Variants in STK32B observed in about 807,000 individuals in gnomAD.
The protein encoded by STK32B is serine/threonine kinase 32B, also known as serine/threonine-protein kinase 32B.
A neutral mutation model predicts 52.6 loss-of-function variants in STK32B; 43 were observed. That is an observed-to-expected ratio of 0.82 (90% CI 0.64 to 1.05). The LOEUF (loss-of-function observed/expected upper bound fraction) is 1.05. STK32B is among the 50% of genes least tolerant of loss of function. STK32B has a pLI of 0.00. For synonymous variants in STK32B, 238 were observed against 204.3 expected (o/e 1.17, Z -1.41); for missense variants, 621 against 534.6 (o/e 1.16, Z -1.59).
At chr4:5,402,243 T>C (rs996819062) in intron 5 of STK32B, among the ~76,000 whole-genome samples, 5 of 152,074 alleles carry the variant, frequency 3.3e-5, no homozygotes, top group Non-Finnish European at 7.4e-5. Context: ...GGGTGAACAA[T>C]TGAGGCCATT....
intron 1 of STK32B, among the ~76,000 whole-genome samples, chr4:5,100,524 CTCTT>C (rs1490151068): frequency 5.0e-5 from 6 of 121,088 alleles, no homozygotes; most frequent in African/African-American, 1.7e-4. Context: ...TCCTTCTTCT[CTCTT>C]TCCTTCCTTC....
chr4:5,269,714 T>C (rs1727295092), intron 3 of STK32B, among the ~76,000 whole-genome samples: 1 of 152,146 alleles, frequency 6.6e-6, no homozygotes, highest in African/African-American at 2.4e-5. Context: ...TCACAGCATA[T>C]TACATATTAT....
chr4:5,054,280 G>T (rs1483251126), intron 1 of STK32B, among the ~76,000 whole-genome samples: 1 of 152,200 alleles, frequency 6.6e-6, no homozygotes, highest in Non-Finnish European at 1.5e-5. Context: ...AAAACACAGG[G>T]TGTGTAAGTG....
chr4:5,225,373 C>G (rs996804477), intron 3 of STK32B, among the ~76,000 whole-genome samples: 1 of 152,108 alleles, frequency 6.6e-6, no homozygotes, highest in Non-Finnish European at 1.5e-5. Flanking sequence ...CGCCATTGCA[C>G]TCCAGCCTGG....
intron 1 of STK32B, among the ~76,000 whole-genome samples, chr4:5,070,407 G>A (rs1439725254): frequency 6.6e-6 from 1 of 152,152 alleles, no homozygotes; most frequent in Non-Finnish European, 1.5e-5. Context: ...TGGGGACTTA[G>A]AGAGGATTAG....
At chr4:5,126,470 C>T (rs766146105) in intron 1 of STK32B, among the ~76,000 whole-genome samples, 5 of 152,208 alleles carry the variant, frequency 3.3e-5, no homozygotes, top group African/African-American at 7.2e-5. Flanking sequence ...AGGGTGTCTT[C>T]GCCAGGACAG....
chr4:5,039,376 A>G, the STK32B span, among the ~76,000 whole-genome samples: 2 of 152,208 alleles, frequency 1.3e-5, no homozygotes, highest in Non-Finnish European at 2.9e-5. Context: ...TTAAAAACTA[A>G]GACACAAATA....
At chr4:5,223,075 G>A (rs540772850) in intron 3 of STK32B, among the ~76,000 whole-genome samples, 2 of 152,160 alleles carry the variant, frequency 1.3e-5, no homozygotes, top group Admixed American at 6.5e-5. Context: ...CCACATTCTT[G>A]TACAGCACTC....
At chr4:5,076,251 T>C (rs1017168900) in intron 1 of STK32B, among the ~76,000 whole-genome samples, 39 of 152,174 alleles carry the variant, frequency 2.6e-4, no homozygotes, top group African/African-American at 8.9e-4. Flanking sequence ...GAGTGAAGAA[T>C]TGGAACAAAT....
At chr4:5,243,058 C>G (rs983984090) in intron 3 of STK32B, among the ~76,000 whole-genome samples, 14 of 152,164 alleles carry the variant, frequency 9.2e-5, no homozygotes, top group African/African-American at 2.4e-4. Flanking sequence ...CTTGGTGATG[C>G]GGGCTCTTTT....
At position 5,378,648 on chromosome 4, in the gene STK32B, G is replaced by C. The variant is rs186477593; in HGVS notation, c.435-19559G>C. Among the ~76,000 whole-genome samples, 1 of 152,124 alleles carries C rather than the reference G, an allele frequency of 6.6e-6. No individual in the cohort carries two copies. Among genetic ancestry groups the C allele is most frequent in the East Asian group, 1.9e-4 (1 of 5,180 alleles). ...TACATAGTAGGTGTGTATATGTATG[G>C]GGTACATGAGATGTTTTGATACAGA... On this transcript the variant is annotated intron_variant, in intron 4 of 11. Coordinates refer to ENST00000282908, the MANE Select transcript of STK32B (RefSeq NM_018401.3). This position sits in a 1 kb window ranked among gnomAD's most constrained non-coding sequence, Gnocchi z 4.4.
At chr4:5,471,152 C>T (rs1279239609) in intron 11 of STK32B, among the ~76,000 whole-genome samples, 1 of 152,220 alleles carries the variant, frequency 6.6e-6, no homozygotes, top group Non-Finnish European at 1.5e-5. Context: ...TGTCTGAGGG[C>T]CTGTTAGCAT....
At chr4:5,134,475 G>C (rs1011208268) in intron 1 of STK32B, among the ~76,000 whole-genome samples, 5 of 152,104 alleles carry the variant, frequency 3.3e-5, no homozygotes, top group Non-Finnish European at 5.9e-5. Context: ...TCAGATGCCA[G>C]CACCTTAATT....
intron 6 of STK32B, among the ~76,000 whole-genome samples, chr4:5,419,519 C>T (rs1356784054): frequency 6.6e-6 from 1 of 152,198 alleles, no homozygotes; most frequent in Non-Finnish European, 1.5e-5. Flanking sequence ...CAAACTCCTA[C>T]CAGCTTCAGC....
chr4:5,274,913 G>A (rs1163767217), intron 3 of STK32B, among the ~76,000 whole-genome samples: 4 of 152,126 alleles, frequency 2.6e-5, no homozygotes, highest in Admixed American at 6.5e-5. Flanking sequence ...ACTCCTGATC[G>A]GGCTAAAGGC....
At chr4:5,288,011 T>C (rs1728660814) in intron 3 of STK32B, among the ~76,000 whole-genome samples, 1 of 152,214 alleles carries the variant, frequency 6.6e-6, no homozygotes, top group South Asian at 2.1e-4. Flanking sequence ...ATACAACATA[T>C]AACCTATTAA....
intron 3 of STK32B, among the ~76,000 whole-genome samples, chr4:5,238,129 A>G (rs1038507834): frequency 2.0e-5 from 3 of 152,188 alleles, no homozygotes; most frequent in Non-Finnish European, 2.9e-5. Flanking sequence ...AAAGATGACC[A>G]CAAACTGGGT....
At position 5,398,738 on chromosome 4, in the gene STK32B, G is replaced by C. The variant is rs772825067; in HGVS notation, c.472+494G>C. Among the ~76,000 whole-genome samples the C allele has an allele frequency of 6.6e-6, 1 of 152,144 alleles. No homozygotes were observed. Among genetic ancestry groups the C allele is most frequent in the African/African-American group, 2.4e-5 (1 of 41,414 alleles). The stretch of plus-strand genomic sequence containing the variant: ...TTTACTCATCTATCGGCTATGTCAG[G>C]CTTCTCAAAATTTCCTTTATGTGCA... On this transcript the variant is annotated intron_variant, in intron 5 of 11. Transcript: ENST00000282908. This position sits in a 1 kb window ranked among gnomAD's most constrained non-coding sequence, Gnocchi z 4.9.
Position 5,346,273 on chromosome 4 carries a change from A to G in STK32B, c.434+14880A>G, listed in dbSNP as rs1460216880. ...GTGTGATCAGGCTTCTGGTCCTAAG[A>G]CCTTTTTGACAAAGGCTCATCGCTC... On this transcript the variant is annotated intron_variant, in intron 4 of 11. Transcript: ENST00000282908. Among the ~76,000 whole-genome samples, 3 of 152,134 alleles carry G rather than the reference A, an allele frequency of 2.0e-5. No homozygotes were observed. In the East Asian group the frequency reaches 5.8e-4, roughly 29 times the overall value.
Sources: allele counts gnomAD v4.1 joint callset (sites outside exome capture counted in the v4.1 genomes callset), GRCh38; gene constraint gnomAD v4.1.1; non-coding constraint Gnocchi (gnomAD v3.1); transcripts MANE v1.5; gene names NCBI Gene and HGNC (gene_info 2026-07-23, HGNC 2026-07-21).